The following AEBP2 variants were observed in gnomAD, a reference collection of about 807,000 sequenced individuals.
AEBP2 encodes the protein zinc finger protein AEBP2.
Under a neutral mutation model 50.8 loss-of-function variants are expected in AEBP2, and 10 were observed. The ratio of observed to expected loss-of-function variants is 0.20; its 90% CI spans 0.12 to 0.33. The LOEUF (loss-of-function observed/expected upper bound fraction) is 0.33. Among genes scored for constraint, AEBP2 ranks in the 10% least tolerant of loss-of-function variants. The probability of loss-of-function intolerance (pLI) is 1.00; values close to 1 mark genes in which losing one functional copy is unlikely to be tolerated. For missense variants in AEBP2, 570 were observed against 688.0 expected (o/e 0.83, Z 1.92); for synonymous variants, 296 against 261.3 (o/e 1.13, Z -1.28).
chr12:19,463,843 T>A (rs1948423421), intron 2 of AEBP2, among the ~76,000 whole-genome samples: 1 of 151,890 alleles, frequency 6.6e-6, no homozygotes, highest in Non-Finnish European at 1.5e-5. Flanking sequence ...TTTTTGTATT[T>A]TTAGTAGAGA....
chr12:19,496,315 C>T (rs1303733840), intron 4 of AEBP2, among the ~76,000 whole-genome samples: 1 of 152,040 alleles, frequency 6.6e-6, no homozygotes, highest in Non-Finnish European at 1.5e-5. Flanking sequence ...GGAGAGTTGG[C>T]AGAGAGAGGT....
chr12:19,480,012 C>T (rs1261544468), intron 3 of AEBP2, among the ~76,000 whole-genome samples: 1 of 151,864 alleles, frequency 6.6e-6, no homozygotes, highest in Non-Finnish European at 1.5e-5. Flanking sequence ...CTGTTGTATT[C>T]ATCATGCTTG....
At position 19,485,034 on chromosome 12, in the gene AEBP2, A is replaced by T. The variant is rs1336711093; in HGVS notation, c.988-8766A>T. Among the ~76,000 whole-genome samples the T allele has an allele frequency of 2.4e-4, 37 of 152,204 alleles. 1 individual carries two copies. The highest frequency in any genetic ancestry group is 2.9e-5 in the Non-Finnish European group (2 of 68,038). ...AGTTCTTGTTCAGTGTGTGCACACT[A>T]AATATAAGAGATTATTTATTAAAGT... On this transcript the variant is annotated intron_variant, in intron 3 of 7. Transcript: ENST00000266508.
At chr12:19,419,298 A>G (rs1380121993) in intron 1 of AEBP2, 4 of 152,346 alleles carry the variant, frequency 2.6e-5, no homozygotes, top group African/African-American at 4.8e-5. Context: ...ATGATAAGAT[A>G]TGGAAAATAG....
At position 19,501,852 on chromosome 12, in the gene AEBP2, C is replaced by T. The variant is rs77055760; in HGVS notation, c.1299+1631C>T. Among the ~76,000 whole-genome samples, 22 of 125,918 alleles carry T rather than the reference C, an allele frequency of 1.7e-4. 1 individual carries two copies. The East Asian group carries it at 4.9e-3, about 28-fold the overall frequency. 82.6% of individuals were successfully genotyped at this position (125,918 alleles called of 152,430 possible). On this transcript the variant is annotated intron_variant, in intron 5 of 7. Coordinates refer to ENST00000266508, the MANE Select transcript of AEBP2 (RefSeq NM_153207.5). ...TGTTTTCTTCTGCGTGCAGTCATCC[C>T]TCTGTATTCACAGGTTCTGCGACCG...
chr12:19,518,399 A>G lies in AEBP2; in HGVS notation c.*282A>G. ...CACTCTTTTGGCAACTTAGTAGAAC[A>G]GCTTCTTAAAGGCTTTGCATGCTTG... On this transcript the variant is annotated 3_prime_UTR_variant, in exon 8 of 8. Transcript: ENST00000266508. 1.6e-6 allele frequency: 2 copies of G among 1,230,264 alleles called. No homozygotes were observed. The highest frequency in any genetic ancestry group is 6.2e-5 in the South Asian group (2 of 32,100). The allele number at this position is 1,230,264 out of a possible 1,614,324, so 76.2% of individuals were successfully genotyped here. A position where few individuals can be genotyped will look rare whatever the true frequency, so the allele number is the denominator to read the frequency against.
intron 1 of AEBP2, among the ~76,000 whole-genome samples, chr12:19,421,776 C>A (rs2095745935): frequency 6.6e-6 from 1 of 152,200 alleles, no homozygotes; most frequent in South Asian, 2.1e-4. Context: ...GCTAAGGAAG[C>A]TATTTAGCAT....
chr12:19,503,415 G>A (rs1218909927), intron 5 of AEBP2, among the ~76,000 whole-genome samples: 2 of 151,884 alleles, frequency 1.3e-5, no homozygotes, highest in Admixed American at 1.3e-4. Context: ...AGTGTTATTG[G>A]GGTATAGAAA....
intron 3 of AEBP2, among the ~76,000 whole-genome samples, chr12:19,479,725 T>G (rs1316581842): frequency 3.1e-4 from 27 of 87,040 alleles, no homozygotes; most frequent in African/African-American, 1.5e-3. Flanking sequence ...GGGTTTTTTT[T>G]TTTTTTTTTT....
chr12:19,494,145 T>C (rs1264711672), intron 4 of AEBP2, among the ~76,000 whole-genome samples, 159 bp downstream of exon 4: 2 of 152,190 alleles, frequency 1.3e-5, no homozygotes, highest in South Asian at 4.1e-4. Flanking sequence ...CAGTGGCACA[T>C]GTTTGTAGTA....
intron 1 of AEBP2, among the ~76,000 whole-genome samples, chr12:19,412,017 G>A (rs892524685): frequency 5.9e-5 from 9 of 152,222 alleles, no homozygotes; most frequent in Admixed American, 1.3e-4. Context: ...ACTCCTGTCC[G>A]TAAGTGCTGC....
chr12:19,418,433 ATTGCCCAGGCTAG>A (rs1390269851), intron 1 of AEBP2, among the ~76,000 whole-genome samples: 4 of 129,308 alleles, frequency 3.1e-5, no homozygotes, highest in African/African-American at 1.2e-4. Flanking sequence ...GTCTCACCAT[ATTGCCCAGGCTAG>A]TCTTGAACTC....
At position 19,520,097 on chromosome 12, in the gene AEBP2, G is replaced by A. The variant is rs1477119337; in HGVS notation, c.*1980G>A. 1.3e-5 allele frequency: 2 copies of A among 152,524 alleles called. No homozygotes were observed. Among genetic ancestry groups the A allele is most frequent in the African/African-American group, 4.8e-5 (2 of 41,426 alleles). 9.4% of individuals were successfully genotyped at this position (152,524 alleles called of 1,614,324 possible). ...TGTTATAAAATTGCCAAATAGAAGT[G>A]TTTCAGATACATAGTTTGTACCTGT... is the stretch of plus-strand genomic sequence containing the variant. On this transcript the variant is annotated 3_prime_UTR_variant, in exon 8 of 8. Transcript: ENST00000266508.
chr12:19,464,001 A>G (rs922968988), intron 2 of AEBP2, among the ~76,000 whole-genome samples: 9 of 152,160 alleles, frequency 5.9e-5, no homozygotes, highest in Non-Finnish European at 1.0e-4. Context: ...CCCTGTCACA[A>G]TATATTATAA....
intron 5 of AEBP2, among the ~76,000 whole-genome samples, chr12:19,502,255 C>G (rs764022014): frequency 6.6e-6 from 1 of 152,080 alleles, no homozygotes; most frequent in Non-Finnish European, 1.5e-5. Flanking sequence ...CTCCCTCAGC[C>G]TCCCGAGTAG....
At chr12:19,474,954 G>A (rs559958466) in intron 3 of AEBP2, among the ~76,000 whole-genome samples, 1 of 152,138 alleles carries the variant, frequency 6.6e-6, no homozygotes, top group East Asian at 1.9e-4. Context: ...CATCACGCCT[G>A]GCGAATTTTT....
intron 1 of AEBP2, chr12:19,440,866 T>A: frequency 9.1e-6 from 10 of 1,093,884 alleles, no homozygotes; most frequent in South Asian, 3.2e-5. Flanking sequence ...TTTCTCTACT[T>A]AAACAAAAAA....
At chr12:19,515,004 A>C (rs1224558173) in intron 7 of AEBP2, among the ~76,000 whole-genome samples, 1 of 152,034 alleles carries the variant, frequency 6.6e-6, no homozygotes, top group Non-Finnish European at 1.5e-5. Flanking sequence ...ATGCTTGTTT[A>C]ATCCCAGATT....
chr12:19,497,693 A>G (rs1316500127), intron 4 of AEBP2, among the ~76,000 whole-genome samples: 1 of 152,108 alleles, frequency 6.6e-6, no homozygotes, highest in Admixed American at 6.6e-5. Flanking sequence ...CCAAGTCTCA[A>G]ACTCCTGGTA....
Sources: allele counts gnomAD v4.1 joint callset (sites outside exome capture counted in the v4.1 genomes callset), GRCh38; gene constraint gnomAD v4.1.1; transcripts MANE v1.5; gene names NCBI Gene and HGNC (gene_info 2026-07-23, HGNC 2026-07-21).